The following CFAP54 variants were observed in gnomAD, a reference collection of about 807,000 sequenced individuals.
CFAP54 encodes cilia- and flagella-associated protein 54.
CFAP54 carries 290 observed loss-of-function variants against 370.4 expected under a neutral mutation model. That is an observed-to-expected ratio of 0.78 (90% CI 0.71 to 0.86). The LOEUF (loss-of-function observed/expected upper bound fraction) is 0.86, where lower values mean the gene tolerates loss of function less well. Among genes scored for constraint, CFAP54 ranks in the 40% least tolerant of loss-of-function variants. The probability of loss-of-function intolerance (pLI) is 0.00; values close to 1 mark genes in which losing one functional copy is unlikely to be tolerated. For synonymous variants in CFAP54, 1,206 were observed against 1,236.5 expected (o/e 0.98, Z 0.52); for missense variants, 3,399 against 3,528.7 (o/e 0.96, Z 0.93).
Position 96,708,598 on chromosome 12 carries a change from C to T in CFAP54, c.6529-10C>T, listed in dbSNP as rs1208275055. ...CTAATTTGCTCTTTTTCCTTTTTTC[C>T]ATTTTTTAGGCAATTGATGAATTAA... On this transcript the variant is annotated splice_polypyrimidine_tract_variant and intron_variant, in intron 47 of 67. Coordinates refer to ENST00000524981, the MANE Select transcript of CFAP54 (RefSeq NM_001306084.2). 2 of 1,575,302 alleles carry T rather than the reference C, an allele frequency of 1.3e-6. No homozygotes were observed. The highest frequency in any genetic ancestry group is 2.1e-5 in the Admixed American group (1 of 48,332).
At chr12:96,850,230 A>G (rs1959499021) in intron 66 of CFAP54, among the ~76,000 whole-genome samples, 2 of 151,554 alleles carry the variant, frequency 1.3e-5, no homozygotes, top group Admixed American at 1.3e-4. Context: ...AAAAAAAAAA[A>G]AAAAAAAAGT....
chr12:96,695,883 A>G (rs182788469), intron 45 of CFAP54, among the ~76,000 whole-genome samples: 2 of 152,310 alleles, frequency 1.3e-5, no homozygotes, highest in East Asian at 3.9e-4. Context: ...AAGAAATGTA[A>G]CCAATGGTCC....
chr12:96,753,022 G>T (rs951846654), intron 55 of CFAP54, among the ~76,000 whole-genome samples: 1 of 152,156 alleles, frequency 6.6e-6, no homozygotes, highest in Non-Finnish European at 1.5e-5. Flanking sequence ...GTCCTTCAGA[G>T]GGTGGCTGGA....
intron 60 of CFAP54, among the ~76,000 whole-genome samples, chr12:96,775,285 T>C (rs1463157042): frequency 6.6e-6 from 1 of 152,034 alleles, no homozygotes; most frequent in Non-Finnish European, 1.5e-5. Flanking sequence ...AAAAATTAGC[T>C]GGGCATAGTG....
At chr12:96,586,642 G>A (rs144179351) in intron 22 of CFAP54, among the ~76,000 whole-genome samples, 392 of 152,276 alleles carry the variant, frequency 2.6e-3, no homozygotes, top group Non-Finnish European at 3.9e-3. Context: ...TTGTGTGACT[G>A]GAGCAGAGGG....
intron 38 of CFAP54, among the ~76,000 whole-genome samples, chr12:96,661,153 C>A (rs1242050052): frequency 2.0e-5 from 3 of 151,932 alleles, no homozygotes; most frequent in Non-Finnish European, 4.4e-5. Context: ...ACCTTTCACC[C>A]CTCTCTTCTT....
intron 50 of CFAP54, among the ~76,000 whole-genome samples, chr12:96,725,284 G>A (rs1376146004): frequency 6.0e-5 from 9 of 150,974 alleles, no homozygotes; most frequent in South Asian, 2.1e-4. Flanking sequence ...CCATTTTCAC[G>A]ATATTGATTC....
intron 60 of CFAP54, among the ~76,000 whole-genome samples, chr12:96,780,908 A>G (rs1011669005): frequency 3.3e-5 from 5 of 152,332 alleles, no homozygotes; most frequent in South Asian, 2.1e-4. Flanking sequence ...TATGTATTTC[A>G]CTAAATGACC....
chr12:96,715,908 CTCTACTA>C (rs1957672716), intron 48 of CFAP54, among the ~76,000 whole-genome samples: 1 of 152,054 alleles, frequency 6.6e-6, no homozygotes, highest in Admixed American at 6.6e-5. Context: ...GGCCCATATT[CTCTACTA>C]TCACTTGTAG....
chr12:96,568,977 A>G (rs760382407), intron 19 of CFAP54, among the ~76,000 whole-genome samples: 2 of 151,672 alleles, frequency 1.3e-5, no homozygotes, highest in Non-Finnish European at 2.9e-5. Flanking sequence ...CTGGAAGTCC[A>G]TTTTGGCTGT....
At chr12:96,647,488 A>AAAAAAAAAAAAAAAAAAAAAAAAAAAAAC (rs1956809084) in intron 33 of CFAP54, among the ~76,000 whole-genome samples, 1 of 148,952 alleles carries the variant, frequency 6.7e-6, no homozygotes, top group African/African-American at 2.4e-5. Context: ...AAAAAAAAAA[A>AAAAAAAAAAAAAAAAAAAAAAAAAAAAAC]AAAAAAAAGA....
At position 96,860,894 on chromosome 12, in the gene CFAP54, T is replaced by C. The variant is rs891935759; in HGVS notation, c.9247T>C (p.Ser3083Pro). Residue 3083 changes from serine to proline, a missense_variant, in exon 67 of 68, where the codon TCA becomes CCA. Coordinates refer to ENST00000524981, the MANE Select transcript of CFAP54 (RefSeq NM_001306084.2). ...LFDLANGCIL[S>P]GGSLFNWIVS... ...TGATCTGGCTAATGGTTGCATTTTA[T>C]CAGGAGGAAGCCTTTTCAACTGGAT... 5 of 1,535,266 alleles carry C rather than the reference T, an allele frequency of 3.3e-6. No individual in the cohort carries two copies. The highest frequency in any genetic ancestry group is 4.4e-6 in the Non-Finnish European group (5 of 1,146,340).
intron 66 of CFAP54, among the ~76,000 whole-genome samples, chr12:96,833,507 C>CGTGTGTGT (rs34316003): frequency 0.015 from 2,150 of 144,122 alleles, 49 homozygotes; most frequent in African/African-American, 0.048. Flanking sequence ...CACACGCGTA[C>CGTGTGTGT]GTGTGTGTGT....
Position 96,817,876 on chromosome 12 carries a change from T to C in CFAP54, c.9059T>C (p.Val3020Ala). The C allele has an allele frequency of 6.6e-7, 1 of 1,505,272 alleles. No individual in the cohort carries two copies. The highest frequency in any genetic ancestry group is 8.8e-7 in the Non-Finnish European group (1 of 1,130,920). The allele number at this position is 1,505,272 out of a possible 1,614,324, so 93.2% of individuals were successfully genotyped here. A position where few individuals can be genotyped will look rare whatever the true frequency, so the allele number is the denominator to read the frequency against. The change falls in exon 65 of 68, where the codon GTA becomes GCA. Residue 3020 changes from valine (V) to alanine (A), a missense_variant. Val to Ala is a moderately conservative substitution (Grantham distance 64, BLOSUM62 0). Around this residue, in one of 3 missense-constraint regions of CFAP54, gnomAD observed 2,796 missense variants for 2,869.7 expected, o/e 0.97. Coordinates refer to ENST00000524981, the MANE Select transcript of CFAP54 (RefSeq NM_001306084.2). Reference protein sequence around the residue: ...EITSNENIYEVEVEEESVDNE... With the variant: ...EITSNENIYEAEVEEESVDNE... ...ACCTCAAATGAAAACATATATGAAG[T>C]AGAAGTGGAAGAGGAATCAGTTGAT...
chr12:96,730,364 T>C (rs954998098), intron 50 of CFAP54, among the ~76,000 whole-genome samples: 2 of 152,106 alleles, frequency 1.3e-5, no homozygotes, highest in African/African-American at 4.8e-5. Flanking sequence ...GAGTCAAATA[T>C]TATAAATCAG....
At chr12:96,705,624 A>G (rs1377661988) in intron 47 of CFAP54, among the ~76,000 whole-genome samples, 1 of 152,206 alleles carries the variant, frequency 6.6e-6, no homozygotes, top group Non-Finnish European at 1.5e-5. Flanking sequence ...TTTGGTATAA[A>G]AAGAATGTCT....
chr12:96,561,002 G>C (rs1955808654), intron 17 of CFAP54, among the ~76,000 whole-genome samples: 1 of 152,172 alleles, frequency 6.6e-6, no homozygotes, highest in Admixed American at 6.5e-5. Context: ...CTATGGATCA[G>C]ATTCCTTTTT....
chr12:96,723,565 G>A lies in CFAP54; in HGVS notation c.6965+3000G>A, dbSNP rs150547767. ...ATGGAGGCCAATGGTGACCTTCACAGGAGTAACTTTAGAAGATGCTTGGGA... is the reference window on the plus strand; with the variant it reads ...ATGGAGGCCAATGGTGACCTTCACAAGAGTAACTTTAGAAGATGCTTGGGA... On this transcript the variant is annotated intron_variant, in intron 50 of 67. Coordinates refer to ENST00000524981, the MANE Select transcript of CFAP54 (RefSeq NM_001306084.2). Among the ~76,000 whole-genome samples, 720 of 152,252 alleles carry A rather than the reference G, an allele frequency of 4.7e-3. 4 individuals carry two copies. The highest frequency in any genetic ancestry group is 0.016 in the African/African-American group (684 of 41,544).
intron 62 of CFAP54, among the ~76,000 whole-genome samples, chr12:96,791,948 C>T (rs1210209960): frequency 6.6e-6 from 1 of 151,412 alleles, no homozygotes; most frequent in Non-Finnish European, 1.5e-5. Context: ...CTCCCAGGTT[C>T]AAGCAATTCT....
Sources: gnomAD v4.1 joint callset for allele counts (sites outside exome capture counted in the v4.1 genomes callset) on GRCh38, gnomAD v4.1.1 for gene constraint, gnomAD v4.1.1 regional missense constraint, MANE v1.5 for transcripts, NCBI Gene and HGNC (gene_info 2026-07-23, HGNC 2026-07-21) for gene names.